The following PARP11 variants were observed in gnomAD, a reference collection of about 807,000 sequenced individuals.
PARP11 encodes the protein poly(ADP-ribose) polymerase family member 11.
Under a neutral mutation model 42.9 loss-of-function variants are expected in PARP11, and 31 were observed. That is an observed-to-expected ratio of 0.72 (90% CI 0.54 to 0.98). The LOEUF (loss-of-function observed/expected upper bound fraction) is 0.98. PARP11 is among the 50% of genes least tolerant of loss of function. The pLI, the probability that PARP11 is intolerant of heterozygous loss-of-function variation, is 0.00. For synonymous variants in PARP11, 137 were observed against 127.3 expected (o/e 1.08, Z -0.51); for missense variants, 365 against 413.1 (o/e 0.88, Z 1.01).
At chr12:3,839,990 A>C in intron 1 of PARP11, 2 of 1,553,474 alleles carry the variant, frequency 1.3e-6, no homozygotes, top group South Asian at 1.1e-5. Flanking sequence ...TCAGGCAACG[A>C]GCAGCTGAAG....
Position 3,812,229 on chromosome 12 carries a change from T to C in PARP11, c.911A>G (p.Tyr304Cys). 1 of 1,614,090 alleles carries C rather than the reference T, an allele frequency of 6.2e-7. No homozygotes were observed. Among genetic ancestry groups the C allele is most frequent in the Non-Finnish European group, 8.5e-7 (1 of 1,179,926 alleles). ...YMRPPSKDGS[Y>C]VNLYDSCVDD... ...CACACAGCTGTCATATAAATTCACA[T>C]AGCTCCCGTCTTTGGAAGGAGGTCG... The change falls in exon 8 of 8, where the codon TAT (tyrosine) becomes TGT (cysteine). Residue 304 changes from tyrosine (Y) to cysteine (C), a missense_variant. Physicochemically the swap from Tyr to Cys is radical, Grantham distance 194. Coordinates refer to ENST00000228820, the MANE Select transcript of PARP11 (RefSeq NM_020367.6).
At chr12:3,841,710 A>G (rs1947892097) in intron 1 of PARP11, 4 of 1,613,110 alleles carry the variant, frequency 2.5e-6, no homozygotes, top group African/African-American at 2.7e-5. Context: ...GACCCAATCC[A>G]TTCTTAGGCC....
At chr12:3,865,889 CTT>C (rs11376275) in intron 1 of PARP11, among the ~76,000 whole-genome samples, 4 of 139,668 alleles carry the variant, frequency 2.9e-5, no homozygotes, top group Non-Finnish European at 1.6e-5. Context: ...TTGTTATTTG[CTT>C]TTTTTTTTTT....
At position 3,809,375 on chromosome 12, in the gene PARP11, A is replaced by C. The variant is rs1466811967; in HGVS notation, c.*2748T>G. The stretch of plus-strand genomic sequence containing the variant: ...CTTATAAAAGAGGGGTTGGCAGTAC[A>C]TTCTCAGACCAAACAACAACAACAA... On this transcript the variant is annotated 3_prime_UTR_variant, in exon 8 of 8. Transcript: ENST00000228820. 1.7e-4 allele frequency: 26 copies of C among 152,216 alleles called. 1 individual carries two copies. Among genetic ancestry groups the C allele is most frequent in the Admixed American group, 1.6e-3 (25 of 15,284 alleles). The allele number at this position is 152,216 out of a possible 1,614,324, so 9.4% of individuals were successfully genotyped here. A position where few individuals can be genotyped will look rare whatever the true frequency, so the allele number is the denominator to read the frequency against.
At chr12:3,843,889 CATA>C (rs1947943574) in intron 1 of PARP11, among the ~76,000 whole-genome samples, 1 of 152,148 alleles carries the variant, frequency 6.6e-6, no homozygotes, top group African/African-American at 2.4e-5. Flanking sequence ...ATGCAAATAA[CATA>C]GTAGTAATTT....
In PARP11 at chr12:3,840,121, C is replaced by T; in HGVS notation, c.19-10103G>A. On this transcript the variant is annotated intron_variant, in intron 1 of 7. Coordinates refer to ENST00000228820, the MANE Select transcript of PARP11 (RefSeq NM_020367.6). The surrounding 1 kb of genome is among the most constrained non-coding windows in gnomAD (Gnocchi z 4.4). The stretch of plus-strand genomic sequence containing the variant: ...GGAGTCTAAACAAGCTCAGCAAAAA[C>T]GTGATTATTCCATTGCTGCTGGCTT... The T allele has an allele frequency of 3.7e-6, 6 of 1,610,146 alleles. No individual in the cohort carries two copies. Among genetic ancestry groups the T allele is most frequent in the Non-Finnish European group, 5.1e-6 (6 of 1,176,372 alleles).
At chr12:3,823,996 A>G (rs1222459369) in intron 4 of PARP11, among the ~76,000 whole-genome samples, 2 of 152,184 alleles carry the variant, frequency 1.3e-5, no homozygotes, top group African/African-American at 4.8e-5. Flanking sequence ...GTAAAATAAC[A>G]TATTTGAAAC....
At chr12:3,839,759 A>C in intron 1 of PARP11, 1 of 1,122,106 alleles carries the variant, frequency 8.9e-7, no homozygotes, top group South Asian at 1.2e-5. Context: ...GATATTGTGT[A>C]TCCCGTAAAG....
In PARP11 at chr12:3,812,338, G is replaced by A. The variant is rs1378325609; in HGVS notation, c.802C>T (p.Arg268Trp). 28 of 1,613,854 alleles carry A rather than the reference G, an allele frequency of 1.7e-5. No homozygotes were observed. Among genetic ancestry groups the A allele is most frequent in the Admixed American group, 8.3e-5 (5 of 60,006 alleles). Residue 268 changes from arginine to tryptophan, a missense_variant, in exon 8 of 8, where the codon CGG (arginine) becomes TGG (tryptophan). Physicochemically the swap from Arg to Trp is moderately radical, Grantham distance 101. Transcript: ENST00000228820. ...FQIHGVSLQQ[R>W]HLFRTYKSMF... ...GATTTATATGTTCTAAACAGATGCC[G>A]CTGTTGCAAGCTGACACCATGAATT...
At chr12:3,872,634 G>A (rs1292331604) in intron 1 of PARP11, 1 of 985,218 alleles carries the variant, frequency 1.0e-6, no homozygotes, top group African/African-American at 1.7e-5. Context: ...TGTCCACCAA[G>A]AAGGGAAAAG....
intron 1 of PARP11, among the ~76,000 whole-genome samples, chr12:3,846,057 T>C (rs1436331572): frequency 1.3e-5 from 2 of 152,122 alleles, no homozygotes; most frequent in Admixed American, 6.5e-5. Flanking sequence ...GTAAAAAAAG[T>C]ATATATACGT....
At chr12:3,833,820 T>G (rs1317338089) in intron 1 of PARP11, among the ~76,000 whole-genome samples, 4 of 152,154 alleles carry the variant, frequency 2.6e-5, no homozygotes, top group Non-Finnish European at 5.9e-5. Context: ...AGCCTCTACC[T>G]GCGGTATATG....
At chr12:3,817,190 C>CAA (rs36072906) in intron 6 of PARP11, among the ~76,000 whole-genome samples, 19,462 of 146,022 alleles carry the variant, frequency 0.13, 1,520 homozygotes, top group Admixed American at 0.23. Context: ...GATTCTGTCT[C>CAA]AAAAAAAAAA....
intron 6 of PARP11, among the ~76,000 whole-genome samples, chr12:3,820,493 T>C (rs973370418): frequency 1.3e-5 from 2 of 152,168 alleles, no homozygotes; most frequent in African/African-American, 4.8e-5. Context: ...GTGAAGGGCA[T>C]CACCAGAGTA....
chr12:3,833,922 C>G (rs1213453278), intron 1 of PARP11, among the ~76,000 whole-genome samples: 1 of 152,190 alleles, frequency 6.6e-6, no homozygotes, highest in African/African-American at 2.4e-5. Context: ...TGGTGTTTCT[C>G]CTCTCCTTCA....
rs1241792495 is a variant in PARP11, at chr12:3,808,909, A to G, written c.*3214T>C. The stretch of plus-strand genomic sequence containing the variant: ...CATCACATGTAAAAGCAATACATTC[A>G]TATATCAAAATTGGCTCCAAATTCT... On this transcript the variant is annotated 3_prime_UTR_variant, in exon 8 of 8. Transcript: ENST00000228820. 6.6e-6 allele frequency: 1 copy of G among 152,254 alleles called. No homozygotes were observed. 9.4% of individuals were successfully genotyped at this position (152,254 alleles called of 1,614,324 possible).
chr12:3,829,826 A>T, intron 2 of PARP11, 64 bp downstream of exon 2: 1 of 1,511,810 alleles, frequency 6.6e-7, no homozygotes, highest in Non-Finnish European at 9.1e-7. Flanking sequence ...CATTTTACAT[A>T]CATCAGCAAG....
chr12:3,821,539 T>G (rs1454072101), intron 6 of PARP11, among the ~76,000 whole-genome samples: 1 of 152,202 alleles, frequency 6.6e-6, no homozygotes. Context: ...CAAAACAGTG[T>G]TTGCAGAGAC....
At chr12:3,824,292 T>G (rs1947469505) in intron 4 of PARP11, among the ~76,000 whole-genome samples, 1 of 152,234 alleles carries the variant, frequency 6.6e-6, no homozygotes, top group East Asian at 1.9e-4. Context: ...CTAAAAGTAC[T>G]TCATATAATA....
Sources: allele counts gnomAD v4.1 joint callset (sites outside exome capture counted in the v4.1 genomes callset), GRCh38; gene constraint gnomAD v4.1.1; non-coding constraint Gnocchi (gnomAD v3.1); transcripts MANE v1.5; gene names NCBI Gene and HGNC (gene_info 2026-07-23, HGNC 2026-07-21).